The following RBM26 variants were observed in gnomAD, a reference collection of about 807,000 sequenced individuals.
The protein encoded by RBM26 is RNA binding motif protein 26.
In RBM26, 30 loss-of-function variants were observed where a neutral mutation model predicts 123.6. The ratio of observed to expected loss-of-function variants is 0.24; its 90% CI spans 0.18 to 0.33. The LOEUF (loss-of-function observed/expected upper bound fraction) is 0.33. RBM26 is among the 10% of genes least tolerant of loss of function. The pLI is 1.00. For synonymous variants in RBM26, 400 were observed against 404.4 expected (o/e 0.99, Z 0.13); for missense variants, 947 against 1,203.6 (o/e 0.79, Z 3.15).
intron 2 of RBM26, among the ~76,000 whole-genome samples, chr13:79,378,087 G>A (rs1174977121): frequency 6.6e-6 from 1 of 152,194 alleles, no homozygotes; most frequent in Non-Finnish European, 1.5e-5. Context: ...CTCCAGCCAT[G>A]ACTAAGTCTT....
At chr13:79,392,232 TATATA>T (rs1301375162) in intron 1 of RBM26, among the ~76,000 whole-genome samples, 2 of 120,970 alleles carry the variant, frequency 1.7e-5, no homozygotes, top group Non-Finnish European at 3.3e-5. Flanking sequence ...ATTATATAAT[TATATA>T]TTATACAATA....
At chr13:79,404,226 T>A (rs2140619681) in intron 1 of RBM26, among the ~76,000 whole-genome samples, 1 of 152,304 alleles carries the variant, frequency 6.6e-6, no homozygotes, top group Admixed American at 6.5e-5. Flanking sequence ...CTGCCTTCTC[T>A]AATATCACCC....
At chr13:79,339,383 T>C (rs559404859) in intron 18 of RBM26, among the ~76,000 whole-genome samples, 6 of 152,250 alleles carry the variant, frequency 3.9e-5, no homozygotes, top group African/African-American at 1.2e-4. Context: ...AATTATTGTA[T>C]ACTTGAAAAT....
Position 79,318,874 on chromosome 13 carries a change from C to T in RBM26, c.*1747G>A, listed in dbSNP as rs1374966275. 5 of 978,570 alleles carry T rather than the reference C, an allele frequency of 5.1e-6. No individual in the cohort carries two copies. The highest frequency in any genetic ancestry group is 5.2e-4 in the Middle Eastern group (1 of 1,924). 60.6% of individuals were successfully genotyped at this position (978,570 alleles called of 1,614,324 possible). A position where few individuals can be genotyped will look rare whatever the true frequency, so the allele number is the denominator to read the frequency against. On this transcript the variant is annotated 3_prime_UTR_variant, in exon 22 of 22. Coordinates refer to ENST00000438737, the MANE Select transcript of RBM26 (RefSeq NM_001366735.2). Reference sequence around the variant, plus strand: ...GCCTCTGCCAATTTGGCACCTTTCACGACTACTAAAAAGAAAAGAAAACAA... The same window carrying T: ...GCCTCTGCCAATTTGGCACCTTTCATGACTACTAAAAAGAAAAGAAAACAA...
In RBM26 at chr13:79,372,894, A is replaced by AT. The variant is rs1566502978; in HGVS notation, c.328-965_328-964insA. ...TTATAATATTTTATATGCTATATAA[A>AT]ATATATCTTATATATTACATATTTT... On this transcript the variant is annotated intron_variant, in intron 3 of 21. Coordinates refer to ENST00000438737, the MANE Select transcript of RBM26 (RefSeq NM_001366735.2). Among the ~76,000 whole-genome samples the AT allele has an allele frequency of 8.0e-4, 25 of 31,248 alleles. 3 individuals carry two copies. The highest frequency in any genetic ancestry group is 5.2e-4 in the Non-Finnish European group (11 of 21,178). The allele number at this position is 31,248 out of a possible 152,430, so 20.5% of individuals were successfully genotyped here.
Position 79,365,735 on chromosome 13 carries a change from T to A in RBM26, c.1277-17A>T. On this transcript the variant is annotated splice_polypyrimidine_tract_variant and intron_variant, in intron 8 of 21. Transcript: ENST00000438737. ...CATATGTATCTGGTAATACAAAAACTGTAATTAAAAAACAATTATAAAACT... is the reference window on the plus strand; with the variant it reads ...CATATGTATCTGGTAATACAAAAACAGTAATTAAAAAACAATTATAAAACT... 1 of 1,600,114 alleles carries A rather than the reference T, an allele frequency of 6.2e-7. No individual in the cohort carries two copies. The highest frequency in any genetic ancestry group is 8.5e-7 in the Non-Finnish European group (1 of 1,175,604).
intron 20 of RBM26, among the ~76,000 whole-genome samples, chr13:79,328,285 C>A (rs1394333151): frequency 2.0e-5 from 3 of 151,926 alleles, no homozygotes; most frequent in African/African-American, 7.2e-5. Context: ...GAGAAACAGG[C>A]ACATGAAGAG....
At chr13:79,359,760 C>G in intron 9 of RBM26, 74 bp from the exon 10 acceptor site, 1 of 568,624 alleles carries the variant, frequency 1.8e-6, no homozygotes, top group Non-Finnish European at 2.8e-6. Flanking sequence ...ATACCTTCCT[C>G]ATACAGGAAA....
chr13:79,338,031 A>G lies in RBM26; in HGVS notation c.2533-729T>C, dbSNP rs111314497. Among the ~76,000 whole-genome samples the G allele has an allele frequency of 4.6e-5, 7 of 152,296 alleles. 2 individuals are homozygous for G. Among genetic ancestry groups the G allele is most frequent in the African/African-American group, 1.7e-4 (7 of 41,570 alleles). On this transcript the variant is annotated intron_variant, in intron 18 of 21. Coordinates refer to ENST00000438737, the MANE Select transcript of RBM26 (RefSeq NM_001366735.2). ...CCAAAAGTTCAAGACCAGCCTGACC[A>G]ACATGGAAAAACCTCATCTCTACTA...
intron 14 of RBM26, among the ~76,000 whole-genome samples, chr13:79,349,264 T>C (rs1159182163): frequency 6.6e-6 from 1 of 152,214 alleles, no homozygotes; most frequent in Non-Finnish European, 1.5e-5. Context: ...AGTCACCACG[T>C]TGTACTATAG....
intron 5 of RBM26, among the ~76,000 whole-genome samples, chr13:79,370,732 C>T (rs1251874617): frequency 2.6e-5 from 4 of 152,112 alleles, no homozygotes; most frequent in African/African-American, 7.3e-5. Context: ...TCTGTATCAT[C>T]GTGGCTATCC....
At chr13:79,403,706 A>C (rs577148455) in intron 1 of RBM26, among the ~76,000 whole-genome samples, 1 of 152,218 alleles carries the variant, frequency 6.6e-6, no homozygotes, top group Non-Finnish European at 1.5e-5. Flanking sequence ...TGGCAGAGGC[A>C]GAATTCAAAG....
exon 5 of RBM26, chr13:79,313,313 T>C (rs1488511807): frequency 2.6e-5 from 4 of 151,824 alleles, no homozygotes; most frequent in Non-Finnish European, 3.0e-5. Flanking sequence ...TCAAGTCATC[T>C]TGAATTCTGA....
At chr13:79,355,871 C>T (rs961605327) in intron 11 of RBM26, among the ~76,000 whole-genome samples, 1 of 152,088 alleles carries the variant, frequency 6.6e-6, no homozygotes, top group African/African-American at 2.4e-5. Context: ...AAAAAAGAGA[C>T]CATGTAACAA....
At position 79,319,218 on chromosome 13, in the gene RBM26, C is replaced by T; in HGVS notation, c.*1403G>A. 1 of 984,392 alleles carries T rather than the reference C, an allele frequency of 1.0e-6. No individual in the cohort carries two copies. The highest frequency in any genetic ancestry group is 1.2e-6 in the Non-Finnish European group (1 of 829,276). The allele number at this position is 984,392 out of a possible 1,614,324, so 61.0% of individuals were successfully genotyped here. ...GACTATGGTGGTGGTGGAACAACAG[C>T]TTTTGATTGTGAGGACCCCAATATG... On this transcript the variant is annotated 3_prime_UTR_variant, in exon 22 of 22. Coordinates refer to ENST00000438737, the MANE Select transcript of RBM26 (RefSeq NM_001366735.2).
intron 1 of RBM26, among the ~76,000 whole-genome samples, chr13:79,379,326 G>A (rs1429596634): frequency 7.0e-6 from 1 of 142,620 alleles, no homozygotes; most frequent in Non-Finnish European, 1.5e-5. Flanking sequence ...TTGAGCCCAG[G>A]AGTTCAAGAC....
At chr13:79,316,279 TA>T (rs2067149233), downstream of RBM26, among the ~76,000 whole-genome samples, 1 of 150,698 alleles carries the variant, frequency 6.6e-6, no homozygotes, top group Non-Finnish European at 1.5e-5. Context: ...GAACTAAAAC[TA>T]ATTTTCTATC....
intron 1 of RBM26, among the ~76,000 whole-genome samples, chr13:79,387,702 T>G (rs1023925417): frequency 1.2e-4 from 19 of 152,290 alleles, no homozygotes; most frequent in African/African-American, 4.6e-4. Context: ...TCAAAATAAT[T>G]TAGTACATAG....
intron 20 of RBM26, among the ~76,000 whole-genome samples, chr13:79,327,163 G>A (rs933643840): frequency 6.6e-6 from 1 of 151,904 alleles, no homozygotes. Flanking sequence ...AACTGTGGCG[G>A]CGTGTGCCTA....
Sources: gnomAD v4.1 joint callset for allele counts (sites outside exome capture counted in the v4.1 genomes callset) on GRCh38, gnomAD v4.1.1 for gene constraint, MANE v1.5 for transcripts, NCBI Gene and HGNC (gene_info 2026-07-23, HGNC 2026-07-21) for gene names.